Variants in HS6ST1 observed in about 807,000 individuals in gnomAD.
HS6ST1 encodes heparan sulfate 6-O-sulfotransferase 1.
HS6ST1 carries 3 observed loss-of-function variants against 25.2 expected under a neutral mutation model. The ratio of observed to expected loss-of-function variants is 0.12; its 90% CI spans 0.05 to 0.31. The LOEUF (loss-of-function observed/expected upper bound fraction) is 0.31, where lower values mean the gene tolerates loss of function less well. Ranked by LOEUF, HS6ST1 falls within the 10% of genes least tolerant of loss-of-function variation. The pLI, the probability that HS6ST1 is intolerant of heterozygous loss-of-function variation, is 1.00. For missense variants in HS6ST1, 310 were observed against 609.6 expected, an observed-to-expected ratio of 0.51 and a Z score of 5.18; for synonymous variants, 204 against 275.1, an observed-to-expected ratio of 0.74 and a Z score of 2.56.
intron 1 of HS6ST1, among the ~76,000 whole-genome samples, chr2:128,269,787 C>T (rs1244010919): frequency 3.3e-5 from 5 of 152,188 alleles, no homozygotes; most frequent in Non-Finnish European, 2.9e-5. Context: ...CCCCTCACTG[C>T]CCGGGGGAGC....
At chr2:128,278,248 G>A (rs915264421) in intron 1 of HS6ST1, among the ~76,000 whole-genome samples, 12 of 152,244 alleles carry the variant, frequency 7.9e-5, no homozygotes, top group Non-Finnish European at 1.5e-4. Context: ...GGCTGCAGGC[G>A]GCTTCATTTT....
chr2:128,288,733 A>T (rs1693905437), intron 1 of HS6ST1, among the ~76,000 whole-genome samples: 1 of 152,170 alleles, frequency 6.6e-6, no homozygotes, highest in Non-Finnish European at 1.5e-5. Context: ...AGGAGGTAGG[A>T]GAGTCAGGGA....
intron 1 of HS6ST1, among the ~76,000 whole-genome samples, chr2:128,281,728 G>A (rs1273100287): frequency 6.6e-6 from 1 of 152,218 alleles, no homozygotes; most frequent in East Asian, 1.9e-4. Flanking sequence ...TCTATTCAGG[G>A]AGATACACCA....
chr2:128,304,597 G>T (rs946487846), intron 1 of HS6ST1, among the ~76,000 whole-genome samples: 2 of 37,260 alleles, frequency 5.4e-5, no homozygotes, highest in Non-Finnish European at 9.3e-5. Context: ...CTCTGCCCGT[G>T]GGTCCCCTCT....
intron 1 of HS6ST1, among the ~76,000 whole-genome samples, chr2:128,302,079 C>T (rs912974226): frequency 6.6e-6 from 1 of 152,180 alleles, no homozygotes; most frequent in Non-Finnish European, 1.5e-5. Flanking sequence ...CTCAGGACAC[C>T]CTGAGGCAGT....
At chr2:128,310,907 C>T (rs1694280594) in intron 1 of HS6ST1, among the ~76,000 whole-genome samples, 1 of 152,144 alleles carries the variant, frequency 6.6e-6, no homozygotes, top group African/African-American at 2.4e-5. Context: ...CCACTCATGC[C>T]GTCCCATCTC....
At chr2:128,315,143 G>A (rs1694342891) in intron 1 of HS6ST1, among the ~76,000 whole-genome samples, 1 of 152,214 alleles carries the variant, frequency 6.6e-6, no homozygotes, top group Non-Finnish European at 1.5e-5. Context: ...GTCGGCAGAT[G>A]AGGCAGCCCC....
chr2:128,305,864 T>C (rs1052953226), intron 1 of HS6ST1, among the ~76,000 whole-genome samples: 1 of 152,300 alleles, frequency 6.6e-6, no homozygotes, highest in South Asian at 2.1e-4. Flanking sequence ...CTGGACTCCC[T>C]GGCGAGCCCA....
chr2:128,310,645 C>T (rs1470171595), intron 1 of HS6ST1, among the ~76,000 whole-genome samples: 6 of 152,066 alleles, frequency 3.9e-5, no homozygotes, highest in African/African-American at 1.2e-4. Context: ...TGGACATCCT[C>T]CCTCTGCCCA....
rs551225616 is a variant in HS6ST1, at chr2:128,292,434, C to A, written c.528-23564G>T. ...CACACCAGTCTGGACACAGAACAAC[C>A]CGGGGCGAGACACGTACTGGAGAAG... On this transcript the variant is annotated intron_variant, in intron 1 of 1. Transcript: ENST00000259241. Among the ~76,000 whole-genome samples, 526 of 152,346 alleles carry A rather than the reference C, an allele frequency of 3.5e-3. 3 individuals carry two copies. The highest frequency in any genetic ancestry group is 0.012 in the African/African-American group (494 of 41,570).
chr2:128,278,835 T>C (rs1237903835), intron 1 of HS6ST1, among the ~76,000 whole-genome samples: 1 of 152,216 alleles, frequency 6.6e-6, no homozygotes, highest in African/African-American at 2.4e-5. Context: ...TGAATTTTTT[T>C]CAACATTTTA....
At chr2:128,287,340 C>T (rs1693879725) in intron 1 of HS6ST1, among the ~76,000 whole-genome samples, 1 of 152,184 alleles carries the variant, frequency 6.6e-6, no homozygotes, top group Admixed American at 6.5e-5. Flanking sequence ...ATGCACTGCC[C>T]AGCTGTGGGC....
chr2:128,317,074 G>A (rs559999174), intron 1 of HS6ST1, among the ~76,000 whole-genome samples: 85 of 152,378 alleles, frequency 5.6e-4, no homozygotes, highest in Non-Finnish European at 1.0e-3. Context: ...TGGGGAGAAA[G>A]GCCCCGCAGG....
chr2:128,310,775 G>A (rs940797507), intron 1 of HS6ST1, among the ~76,000 whole-genome samples: 2 of 152,134 alleles, frequency 1.3e-5, no homozygotes, highest in African/African-American at 4.8e-5. Context: ...AACATCCCTT[G>A]CAAGCTGGGG....
At chr2:128,269,130 C>T (rs1436264351) in intron 1 of HS6ST1, among the ~76,000 whole-genome samples, 1 of 152,232 alleles carries the variant, frequency 6.6e-6, no homozygotes. Context: ...GACAACCTGA[C>T]TTTTTCCTGC....
At position 128,265,490 on chromosome 2, in the gene HS6ST1, G is replaced by A. The variant is rs1315530178; in HGVS notation, c.*2672C>T. The stretch of plus-strand genomic sequence containing the variant: ...CAGCACACCCGCCACTCCTTGTCAG[G>A]GTTTATTTCATCAGCTAACATTCAT... On this transcript the variant is annotated 3_prime_UTR_variant, in exon 2 of 2. Coordinates refer to ENST00000259241, the MANE Select transcript of HS6ST1 (RefSeq NM_004807.3). The A allele has an allele frequency of 4.6e-5, 7 of 152,112 alleles. 1 individual carries two copies. The East Asian group carries it at 1.3e-3, about 29-fold the overall frequency. The allele number at this position is 152,112 out of a possible 1,614,324, so 9.4% of individuals were successfully genotyped here.
At chr2:128,285,672 C>T (rs1693850530) in intron 1 of HS6ST1, among the ~76,000 whole-genome samples, 1 of 152,222 alleles carries the variant, frequency 6.6e-6, no homozygotes, top group South Asian at 2.1e-4. Context: ...TCTGCCTCCA[C>T]CCTGCCAGGC....
At chr2:128,316,706 TGG>T (rs1491184159) in intron 1 of HS6ST1, among the ~76,000 whole-genome samples, 1 of 148,188 alleles carries the variant, frequency 6.7e-6, no homozygotes, top group Non-Finnish European at 1.5e-5. Flanking sequence ...TGTGTGTGTG[TGG>T]GTGTGTGTGT....
intron 1 of HS6ST1, among the ~76,000 whole-genome samples, chr2:128,271,178 T>C (rs1412380230): frequency 8.5e-5 from 13 of 152,216 alleles, no homozygotes; most frequent in Admixed American, 2.0e-4. Flanking sequence ...CTGTGCCTGG[T>C]TAGCAGCGGG....
Sources: gnomAD v4.1 joint callset for allele counts (sites outside exome capture counted in the v4.1 genomes callset) on GRCh38, gnomAD v4.1.1 for gene constraint, MANE v1.5 for transcripts, NCBI Gene and HGNC (gene_info 2026-07-23, HGNC 2026-07-21) for gene names.